The following LYZL1 variants were observed in gnomAD, a reference collection of about 807,000 sequenced individuals.
The protein encoded by LYZL1 is lysozyme like 1.
Under a neutral mutation model 17.9 loss-of-function variants are expected in LYZL1, and 16 were observed. The observed-to-expected ratio is 0.90, with a 90% CI of 0.61 to 1.36. The LOEUF (loss-of-function observed/expected upper bound fraction) is 1.36, where lower values mean the gene tolerates loss of function less well. Among genes scored for constraint, LYZL1 ranks in the 40% most tolerant of loss-of-function variants. LYZL1 has a pLI of 0.00. For synonymous variants in LYZL1, 58 were observed against 71.8 expected (o/e 0.81, Z 0.97); for missense variants, 149 against 188.4 (o/e 0.79, Z 1.22).
downstream of LYZL1, among the ~76,000 whole-genome samples, chr10:29,311,976 G>C (rs1224492138): frequency 6.6e-6 from 1 of 150,962 alleles, no homozygotes; most frequent in Non-Finnish European, 1.5e-5. Context: ...AAGGGGAAGG[G>C]GGAGGGAACG....
At chr10:29,300,290 T>A (rs1381994998) in intron 3 of LYZL1, among the ~76,000 whole-genome samples, 1 of 152,184 alleles carries the variant, frequency 6.6e-6, no homozygotes, top group African/African-American at 2.4e-5. Flanking sequence ...GTTTGTTAGC[T>A]ATATCTCTAT....
chr10:29,309,302 C>T (rs1305696290), intron 3 of LYZL1, among the ~76,000 whole-genome samples: 1 of 152,120 alleles, frequency 6.6e-6, no homozygotes, highest in African/African-American at 2.4e-5. Context: ...GCACTCCAGC[C>T]TGGGTGACAG....
rs370459186 is a variant in LYZL1 at position 29,291,879 on chromosome 10, G to T, written c.12G>T (p.Ala4=). The part of the protein sequence containing the change: MKA[A]GILTLIGCLV... ...GGCAGGCTTTGAGGATGAAGGCTGC[G>T]GGCATTCTGACCCTCATTGGCTGCC... The change falls in exon 2 of 5, where the codon GCG becomes GCT. Residue 4 remains alanine, a synonymous_variant. Coordinates refer to ENST00000649382, the MANE Select transcript of LYZL1 (RefSeq NM_032517.6). The T allele has an allele frequency of 7.0e-5, 111 of 1,580,340 alleles. No individual in the cohort carries two copies. In the East Asian group the frequency reaches 2.3e-3, roughly 32 times the overall value.
chr10:29,299,301 G>A (rs191434416), intron 3 of LYZL1, among the ~76,000 whole-genome samples: 3 of 152,228 alleles, frequency 2.0e-5, no homozygotes, highest in East Asian at 1.9e-4. Flanking sequence ...TGTGGTTAGG[G>A]GGTTGGGGAT....
intron 3 of LYZL1, among the ~76,000 whole-genome samples, chr10:29,299,640 T>C (rs1185769179): frequency 6.6e-6 from 1 of 152,228 alleles, no homozygotes; most frequent in African/African-American, 2.4e-5. Flanking sequence ...TATGTCTTTG[T>C]GGTGAATTGA....
intron 3 of LYZL1, among the ~76,000 whole-genome samples, chr10:29,296,728 G>A (rs1431504799): frequency 6.6e-6 from 1 of 152,138 alleles, no homozygotes; most frequent in African/African-American, 2.4e-5. Flanking sequence ...TTCTTCTAGG[G>A]ATCTGGCCAA....
rs752153060 is a variant in LYZL1, at chr10:29,310,137, C to A, written c.326C>A (p.Ala109Glu). The A allele has an allele frequency of 6.2e-7, 1 of 1,611,962 alleles. No individual in the cohort carries two copies. The highest frequency in any genetic ancestry group is 2.2e-5 in the East Asian group (1 of 44,850). Residue 109 changes from alanine to glutamate, a missense_variant, in exon 4 of 5, where the codon GCA becomes GAA. Transcript: ENST00000649382. ...TTGATCACTGATGACCTCACAGATG[C>A]AATTATCTGTGCCAGGAAAATTGTT... The part of the protein sequence containing the change: ...SALITDDLTD[A>E]IICARKIVKE...
intron 3 of LYZL1, among the ~76,000 whole-genome samples, chr10:29,293,144 T>TTTTTTTTTTTTTTTTTG (rs1835400213): frequency 6.9e-6 from 1 of 145,722 alleles, no homozygotes; most frequent in African/African-American, 2.5e-5. Flanking sequence ...CTTTTTTTTT[T>TTTTTTTTTTTTTTTTTG]TTTTTTGAGA....
intron 3 of LYZL1, among the ~76,000 whole-genome samples, chr10:29,302,858 T>C (rs1193894339): frequency 6.6e-6 from 1 of 152,130 alleles, no homozygotes; most frequent in Non-Finnish European, 1.5e-5. Context: ...TTAAAGAGTG[T>C]TGAATTTCTT....
chr10:29,306,127 C>A (rs1270861756), intron 3 of LYZL1, among the ~76,000 whole-genome samples: 1 of 152,068 alleles, frequency 6.6e-6, no homozygotes, highest in African/African-American at 2.4e-5. Flanking sequence ...TAATGACTGT[C>A]TTTTTTTTCT....
chr10:29,308,202 T>C (rs1336593583), intron 3 of LYZL1, among the ~76,000 whole-genome samples: 1 of 152,204 alleles, frequency 6.6e-6, no homozygotes, highest in Non-Finnish European at 1.5e-5. Context: ...AGACAGTACC[T>C]GCCACCTGCT....
chr10:29,309,647 C>G (rs1835643962), intron 3 of LYZL1, among the ~76,000 whole-genome samples: 1 of 152,032 alleles, frequency 6.6e-6, no homozygotes, highest in South Asian at 2.1e-4. Flanking sequence ...GAGGTGTACA[C>G]CATCCCACCT....
intron 2 of LYZL1, among the ~76,000 whole-genome samples, 163 bp from the exon 3 acceptor site, chr10:29,292,356 T>C (rs1005654300): frequency 8.5e-5 from 13 of 152,060 alleles, no homozygotes; most frequent in African/African-American, 2.7e-4. Flanking sequence ...CAGCCCCCGA[T>C]GTGCCCCTCG....
intron 1 of LYZL1, among the ~76,000 whole-genome samples, chr10:29,289,719 T>C (rs1394801347): frequency 6.6e-6 from 1 of 152,140 alleles, no homozygotes; most frequent in African/African-American, 2.4e-5. Context: ...ATGCCTGGCC[T>C]TAGCTCTGCA....
At chr10:29,292,208 T>A (rs1835378206) in intron 2 of LYZL1, among the ~76,000 whole-genome samples, 1 of 149,678 alleles carries the variant, frequency 6.7e-6, no homozygotes, top group Admixed American at 6.7e-5. Flanking sequence ...ATTCCTGGAG[T>A]CCTGTCCTTA....
At chr10:29,291,729 C>T in intron 1 of LYZL1, 114 bp from the exon 2 acceptor site, 1 of 1,292,842 alleles carries the variant, frequency 7.7e-7, no homozygotes, top group Non-Finnish European at 1.1e-6. Flanking sequence ...GATGGTGGCA[C>T]TGAATGACCA....
At chr10:29,309,911 G>A (rs1366250086) in intron 3 of LYZL1, among the ~76,000 whole-genome samples, 199 bp from the exon 4 acceptor site, 4 of 152,186 alleles carry the variant, frequency 2.6e-5, no homozygotes, top group Non-Finnish European at 5.9e-5. Context: ...AGTGCAAGAT[G>A]AAAACGGTCT....
At chr10:29,289,483 A>G (rs1169289022) in intron 1 of LYZL1, among the ~76,000 whole-genome samples, 2 of 148,592 alleles carry the variant, frequency 1.3e-5, no homozygotes, top group African/African-American at 5.0e-5. Flanking sequence ...CAGTGTCACA[A>G]TCATGGCTCA....
chr10:29,298,834 C>T (rs772366473), intron 3 of LYZL1, among the ~76,000 whole-genome samples: 3 of 152,114 alleles, frequency 2.0e-5, no homozygotes, highest in Non-Finnish European at 4.4e-5. Context: ...TGCAGAAGAC[C>T]AATTTTCCAT....
Sources: gnomAD v4.1 joint callset for allele counts (sites outside exome capture counted in the v4.1 genomes callset) on GRCh38, gnomAD v4.1.1 for gene constraint, MANE v1.5 for transcripts, NCBI Gene and HGNC (gene_info 2026-07-23, HGNC 2026-07-21) for gene names.